The following UNC93A variants were observed in gnomAD, a reference collection of about 807,000 sequenced individuals.
The protein encoded by UNC93A is unc-93 homolog A.
In UNC93A, 43 loss-of-function variants were observed where a neutral mutation model predicts 47.5. The observed-to-expected ratio is 0.91, with a 90% CI of 0.71 to 1.17. The LOEUF (loss-of-function observed/expected upper bound fraction) is 1.17, where lower values mean the gene tolerates loss of function less well. Ranked by LOEUF, UNC93A falls within the 50% of genes most tolerant of loss-of-function variation. The probability of loss-of-function intolerance (pLI) is 0.00; values close to 1 mark genes in which losing one functional copy is unlikely to be tolerated. For missense variants in UNC93A, 605 were observed against 577.6 expected (o/e 1.05, Z -0.49); for synonymous variants, 280 against 258.0 (o/e 1.09, Z -0.82).
chr6:167,306,437 C>T (rs1778395731), intron 6 of UNC93A, among the ~76,000 whole-genome samples: 2 of 152,194 alleles, frequency 1.3e-5, no homozygotes, highest in Admixed American at 1.3e-4. Flanking sequence ...CAGCTCTGTT[C>T]CACATCTATT....
upstream of UNC93A, among the ~76,000 whole-genome samples, chr6:167,288,228 C>T (rs918823106): frequency 6.6e-6 from 1 of 152,170 alleles, no homozygotes. Context: ...CCTGACATAG[C>T]CAACTGGCCC....
At position 167,291,580 on chromosome 6, in the gene UNC93A, T is replaced by A. The variant is rs1213387735; in HGVS notation, c.87+4T>A. On this transcript the variant is annotated splice_donor_region_variant and intron_variant, in intron 1 of 7. Coordinates refer to ENST00000230256, the MANE Select transcript of UNC93A (RefSeq NM_018974.4). ...TGGAGGTCTGCAGAGCCTGCAGGTA[T>A]GTGTGTCCGGTCATCAAATTACCTG... is the stretch of plus-strand genomic sequence containing the variant. 1 of 1,608,372 alleles carries A rather than the reference T, an allele frequency of 6.2e-7. No individual in the cohort carries two copies. Among genetic ancestry groups the A allele is most frequent in the East Asian group, 2.2e-5 (1 of 44,740 alleles).
At chr6:167,293,054 C>G (rs1783878264) in intron 1 of UNC93A, among the ~76,000 whole-genome samples, 1 of 152,180 alleles carries the variant, frequency 6.6e-6, no homozygotes, top group Non-Finnish European at 1.5e-5. Context: ...CCAGGGGTCC[C>G]TCCTCTCAGG....
chr6:167,293,906 C>T (rs1266310663), intron 1 of UNC93A, among the ~76,000 whole-genome samples: 1 of 152,210 alleles, frequency 6.6e-6, no homozygotes, highest in Non-Finnish European at 1.5e-5. Context: ...GGGCACCCAG[C>T]ACCCTCGTGG....
intron 7 of UNC93A, among the ~76,000 whole-genome samples, chr6:167,308,809 A>G (rs1425158844): frequency 6.6e-6 from 1 of 152,028 alleles, no homozygotes; most frequent in South Asian, 2.1e-4. Context: ...ACAACAATCA[A>G]TTCCAAAAGG....
At chr6:167,310,676 T>G (rs1778532752) in intron 7 of UNC93A, among the ~76,000 whole-genome samples, 1 of 151,500 alleles carries the variant, frequency 6.6e-6, no homozygotes, top group Non-Finnish European at 1.5e-5. Context: ...AGCTCAGGAG[T>G]TCAAGACCAG....
upstream of UNC93A, among the ~76,000 whole-genome samples, chr6:167,269,649 C>T (rs1783420210): frequency 6.6e-6 from 1 of 152,096 alleles, no homozygotes; most frequent in Admixed American, 6.5e-5. Context: ...CTCTGTCGCC[C>T]AGGCTAGAGT....
intron 1 of UNC93A, among the ~76,000 whole-genome samples, chr6:167,281,157 C>A (rs1379316992): frequency 6.6e-6 from 1 of 151,494 alleles, no homozygotes; most frequent in Admixed American, 6.6e-5. Context: ...CTGAGAGGAG[C>A]CTCGGTAGGT....
intron 1 of UNC93A, among the ~76,000 whole-genome samples, chr6:167,274,219 G>T (rs1783500555): frequency 6.6e-6 from 1 of 152,184 alleles, no homozygotes; most frequent in African/African-American, 2.4e-5. Context: ...GGTTTGTAGG[G>T]TGACCTCCCC....
At chr6:167,287,730 CGTGTGTGCATGCGTGTGT>C (rs1175492529), upstream of UNC93A, among the ~76,000 whole-genome samples, 1 of 150,126 alleles carries the variant, frequency 6.7e-6, no homozygotes, top group East Asian at 2.0e-4. Context: ...TGTGTGCATG[CGTGTGTGCATGCGTGTGT>C]GTGTGTGTGT....
At chr6:167,313,548 C>T (rs76260234) in intron 7 of UNC93A, among the ~76,000 whole-genome samples, 2,886 of 152,006 alleles carry the variant, frequency 0.019, 31 homozygotes, top group Non-Finnish European at 0.024. Context: ...TGGAGGACAA[C>T]GATTTCTAAT....
chr6:167,294,939 C>CGG (rs1778012253), intron 2 of UNC93A, among the ~76,000 whole-genome samples: 1 of 152,130 alleles, frequency 6.6e-6, no homozygotes, highest in Non-Finnish European at 1.5e-5. Context: ...TCCCGATCCC[C>CGG]GATGCTGGCC....
intron 1 of UNC93A, among the ~76,000 whole-genome samples, chr6:167,276,059 C>A (rs969567152): frequency 4.5e-5 from 6 of 132,346 alleles, no homozygotes; most frequent in Non-Finnish European, 7.8e-5. Context: ...TTTTTCTTTT[C>A]TTTTCTTTTT....
At chr6:167,284,946 T>C in intron 1 of UNC93A, among the ~76,000 whole-genome samples, 1 of 152,164 alleles carries the variant, frequency 6.6e-6, no homozygotes, top group Non-Finnish European at 1.5e-5. Context: ...TATCACGCTG[T>C]AAGCACAGAA....
intron 4 of UNC93A, among the ~76,000 whole-genome samples, chr6:167,300,242 C>A (rs1273974275): frequency 6.6e-6 from 1 of 152,194 alleles, no homozygotes; most frequent in East Asian, 1.9e-4. Context: ...TGACTGGAAT[C>A]ATGTCAGGGA....
chr6:167,282,802 T>A (rs533106746), intron 1 of UNC93A, among the ~76,000 whole-genome samples: 2 of 152,242 alleles, frequency 1.3e-5, no homozygotes, highest in African/African-American at 4.8e-5. Flanking sequence ...ACAGAAGACA[T>A]CAGTCAATGC....
intron 6 of UNC93A, among the ~76,000 whole-genome samples, chr6:167,307,015 C>T (rs4708772): frequency 0.28 from 42,556 of 152,144 alleles, 6,254 homozygotes; most frequent in East Asian, 0.53. Flanking sequence ...GTGGCCTCCT[C>T]CCTTTTGTCC....
At chr6:167,307,189 C>T (rs897002836) in intron 6 of UNC93A, among the ~76,000 whole-genome samples, 1 of 152,218 alleles carries the variant, frequency 6.6e-6, no homozygotes, top group Non-Finnish European at 1.5e-5. Flanking sequence ...CAGGCCCAGA[C>T]AGGGTGACCT....
At chr6:167,305,367 C>T (rs931375555) in intron 5 of UNC93A, among the ~76,000 whole-genome samples, 2 of 152,164 alleles carry the variant, frequency 1.3e-5, no homozygotes, top group African/African-American at 4.8e-5. Context: ...TGGACTTGTC[C>T]TTGTCCCCCC....
Sources: gnomAD v4.1 joint callset for allele counts (sites outside exome capture counted in the v4.1 genomes callset) on GRCh38, gnomAD v4.1.1 for gene constraint, MANE v1.5 for transcripts, NCBI Gene and HGNC (gene_info 2026-07-23, HGNC 2026-07-21) for gene names.